Variants in CDC42SE2 observed in about 807,000 individuals in gnomAD.
CDC42SE2 encodes CDC42 small effector 2, also known as CDC42 small effector protein 2.
Under a neutral mutation model 11.5 loss-of-function variants are expected in CDC42SE2, and 3 were observed. That is an observed-to-expected ratio of 0.26 (90% CI 0.12 to 0.67). CDC42SE2 has a LOEUF of 0.67. Among genes scored for constraint, CDC42SE2 ranks in the 30% least tolerant of loss-of-function variants. The pLI is 0.80. For synonymous variants in CDC42SE2, 33 were observed against 34.8 expected (o/e 0.95, Z 0.18); for missense variants, 82 against 106.8 (o/e 0.77, Z 1.02).
chr5:131,308,452 T>C (rs1211336999), intron 1 of CDC42SE2, among the ~76,000 whole-genome samples: 4 of 152,064 alleles, frequency 2.6e-5, no homozygotes, highest in East Asian at 3.9e-4. Flanking sequence ...CCATATGAAC[T>C]TGAAAGTAGT....
At chr5:131,351,757 A>C (rs1189198198) in intron 2 of CDC42SE2, among the ~76,000 whole-genome samples, 1 of 152,232 alleles carries the variant, frequency 6.6e-6, no homozygotes, top group Non-Finnish European at 1.5e-5. Flanking sequence ...TATCTTTGCA[A>C]CTTTGGGATA....
At chr5:131,368,526 T>C (rs1019498787) in intron 3 of CDC42SE2, among the ~76,000 whole-genome samples, 8 of 152,220 alleles carry the variant, frequency 5.3e-5, no homozygotes, top group African/African-American at 1.9e-4. Context: ...TTAAAATTAG[T>C]TTGTCAGGTT....
At chr5:131,274,619 T>C (rs1757064404) in intron 1 of CDC42SE2, among the ~76,000 whole-genome samples, 1 of 152,222 alleles carries the variant, frequency 6.6e-6, no homozygotes, top group African/African-American at 2.4e-5. Flanking sequence ...TTAGTGGCTT[T>C]CCATATCGTT....
the CDC42SE2 span, among the ~76,000 whole-genome samples, chr5:131,218,197 GGAA>G: frequency 2.5e-4 from 37 of 146,772 alleles, no homozygotes; most frequent in Non-Finnish European, 9.0e-5. Context: ...AAAAAAAAGA[GGAA>G]GAAGAAGGAA....
intron 1 of CDC42SE2, among the ~76,000 whole-genome samples, chr5:131,300,749 C>T (rs1020012296): frequency 1.3e-5 from 2 of 149,916 alleles, no homozygotes; most frequent in Non-Finnish European, 2.9e-5. Context: ...CGCCACTGCA[C>T]TCCAGCCTGG....
intron 2 of CDC42SE2, among the ~76,000 whole-genome samples, chr5:131,336,378 A>G (rs1260631830): frequency 2.6e-5 from 4 of 152,156 alleles, no homozygotes; most frequent in Non-Finnish European, 5.9e-5. Flanking sequence ...GGGTAACCCA[A>G]CCTTTCTCTC....
intron 1 of CDC42SE2, among the ~76,000 whole-genome samples, chr5:131,309,456 C>T (rs1757852250): frequency 6.6e-6 from 1 of 151,948 alleles, no homozygotes; most frequent in Non-Finnish European, 1.5e-5. Context: ...TGATGCTGGC[C>T]TCATAAAATG....
chr5:131,277,137 A>G (rs867934622), intron 1 of CDC42SE2, among the ~76,000 whole-genome samples: 2 of 152,190 alleles, frequency 1.3e-5, no homozygotes, highest in South Asian at 2.1e-4. Flanking sequence ...GAAATAATCT[A>G]TTTTATAGAC....
chr5:131,269,024 C>A (rs973566091), intron 1 of CDC42SE2, among the ~76,000 whole-genome samples: 1 of 152,144 alleles, frequency 6.6e-6, no homozygotes. Flanking sequence ...GCTGGTATTA[C>A]AAGCGTGAGC....
intron 1 of CDC42SE2, among the ~76,000 whole-genome samples, chr5:131,292,534 C>A (rs1470703413): frequency 7.0e-6 from 1 of 143,272 alleles, no homozygotes; most frequent in African/African-American, 2.6e-5. Context: ...CACTCCAGCC[C>A]GGGTGACAGA....
the CDC42SE2 span, among the ~76,000 whole-genome samples, chr5:131,232,469 A>G: frequency 6.6e-6 from 1 of 152,056 alleles, no homozygotes; most frequent in Non-Finnish European, 1.5e-5. Context: ...ACAGTGGCTC[A>G]CGCCTGTAAT....
At chr5:131,373,229 A>C (rs1285961159) in intron 3 of CDC42SE2, among the ~76,000 whole-genome samples, 1 of 152,220 alleles carries the variant, frequency 6.6e-6, no homozygotes, top group Non-Finnish European at 1.5e-5. Flanking sequence ...AGTTTAAATA[A>C]CAAAAAGATA....
rs978833255 is a variant in CDC42SE2, at chr5:131,392,146, T to C, written c.*1055T>C. 1 of 119,178 alleles carries C rather than the reference T, an allele frequency of 8.4e-6. No individual in the cohort carries two copies. The highest frequency in any genetic ancestry group is 1.6e-5 in the Non-Finnish European group (1 of 62,254). 7.4% of individuals were successfully genotyped at this position (119,178 alleles called of 1,614,324 possible). A position where few individuals can be genotyped will look rare whatever the true frequency, so the allele number is the denominator to read the frequency against. ...TGTGAATGCTAACACCATTTTGCAG[T>C]TTTTTTTTTCTATTTTAAACATTTT... On this transcript the variant is annotated 3_prime_UTR_variant, in exon 5 of 5. Coordinates refer to ENST00000505065, the MANE Select transcript of CDC42SE2 (RefSeq NM_001375635.1).
rs192355409 is a variant in CDC42SE2 at position 131,341,856 on chromosome 5, C to T, written c.-285-17353C>T. Among the ~76,000 whole-genome samples, 47 of 150,878 alleles carry T rather than the reference C, an allele frequency of 3.1e-4. No individual in the cohort carries two copies. In the East Asian group the frequency reaches 8.6e-3, roughly 28 times the overall value. On this transcript the variant is annotated intron_variant, in intron 2 of 4. Coordinates refer to ENST00000505065, the MANE Select transcript of CDC42SE2 (RefSeq NM_001375635.1). ...GTTGCAGTGAGCTGAGATTGTTCCA[C>T]TGAACTCCAGCCTGGGCAACAGAGC...
At chr5:131,312,318 C>T (rs527883466) in intron 1 of CDC42SE2, among the ~76,000 whole-genome samples, 12 of 152,178 alleles carry the variant, frequency 7.9e-5, no homozygotes, top group African/African-American at 1.7e-4. Flanking sequence ...TCTCCAGCTG[C>T]GTGCTGGGAG....
intron 1 of CDC42SE2, among the ~76,000 whole-genome samples, chr5:131,246,979 G>A (rs996353706): frequency 6.6e-6 from 1 of 151,956 alleles, no homozygotes; most frequent in African/African-American, 2.4e-5. Context: ...CCCAACCTCA[G>A]GTGGTCTGCC....
At chr5:131,228,010 G>T in the CDC42SE2 span, among the ~76,000 whole-genome samples, 2 of 152,176 alleles carry the variant, frequency 1.3e-5, no homozygotes, top group Non-Finnish European at 2.9e-5. Context: ...CCTGTCCATG[G>T]TTAGTAGAGA....
chr5:131,220,744 G>A, the CDC42SE2 span, among the ~76,000 whole-genome samples: 2 of 152,158 alleles, frequency 1.3e-5, no homozygotes, highest in African/African-American at 4.8e-5. Context: ...AGTATGCTAT[G>A]ATGCTATGGC....
chr5:131,371,431 T>G (rs1750009637), intron 3 of CDC42SE2, among the ~76,000 whole-genome samples: 1 of 152,274 alleles, frequency 6.6e-6, no homozygotes, highest in Non-Finnish European at 1.5e-5. Flanking sequence ...ATGTTCCATC[T>G]ACTTTTGTCT....
Sources: allele counts gnomAD v4.1 joint callset (sites outside exome capture counted in the v4.1 genomes callset), GRCh38; gene constraint gnomAD v4.1.1; transcripts MANE v1.5; gene names NCBI Gene and HGNC (gene_info 2026-07-23, HGNC 2026-07-21).